The following MCC variants were observed in gnomAD, a reference collection of about 807,000 sequenced individuals.
MCC encodes the protein colorectal mutant cancer protein.
MCC carries 90 observed loss-of-function variants against 116.2 expected under a neutral mutation model. The observed-to-expected ratio is 0.77, with a 90% CI of 0.65 to 0.92. The LOEUF (loss-of-function observed/expected upper bound fraction) is 0.92, where lower values mean the gene tolerates loss of function less well. MCC is among the 40% of genes least tolerant of loss of function. The pLI is 0.00. For synonymous variants in MCC, 578 were observed against 510.5 expected, an observed-to-expected ratio of 1.13 and a Z score of -1.78; for missense variants, 1,516 against 1,312.2, an observed-to-expected ratio of 1.16 and a Z score of -2.40.
chr5:113,026,133 G>A lies in MCC; in HGVS notation c.*1169C>T, dbSNP rs1750533264. ...ACTTTGGTACTGCCTAGCCCTGTAAGCATTTTGCTTGAAATTTAACCTTTT... is the reference window on the plus strand; with the variant it reads ...ACTTTGGTACTGCCTAGCCCTGTAAACATTTTGCTTGAAATTTAACCTTTT... On this transcript the variant is annotated 3_prime_UTR_variant, in exon 19 of 19. Coordinates refer to ENST00000408903, the MANE Select transcript of MCC (RefSeq NM_001085377.2). 6.6e-6 allele frequency: 1 copy of A among 152,182 alleles called. No homozygotes were observed. The highest frequency in any genetic ancestry group is 2.4e-5 in the African/African-American group (1 of 41,454). The allele number at this position is 152,182 out of a possible 1,614,324, so 9.4% of individuals were successfully genotyped here. A position where few individuals can be genotyped will look rare whatever the true frequency, so the allele number is the denominator to read the frequency against.
chr5:113,179,238 C>T (rs561376823), intron 3 of MCC, among the ~76,000 whole-genome samples: 2 of 152,178 alleles, frequency 1.3e-5, no homozygotes, highest in African/African-American at 4.8e-5. Flanking sequence ...CCACAGAACA[C>T]CCTCCCCCAG....
chr5:113,416,846 G>A (rs948001012), intron 1 of MCC, among the ~76,000 whole-genome samples: 8 of 151,408 alleles, frequency 5.3e-5, no homozygotes, highest in African/African-American at 1.2e-4. Flanking sequence ...AAAATAAATC[G>A]TCAAATATAA....
At chr5:113,476,355 C>T (rs1478007035) in intron 1 of MCC, among the ~76,000 whole-genome samples, 1 of 152,104 alleles carries the variant, frequency 6.6e-6, no homozygotes, top group African/African-American at 2.4e-5. Flanking sequence ...GCACACAGAG[C>T]AATGGAAAGG....
At chr5:113,248,832 C>CTTTTTTTT (rs1269527611) in intron 3 of MCC, among the ~76,000 whole-genome samples, 3 of 138,200 alleles carry the variant, frequency 2.2e-5, no homozygotes, top group African/African-American at 2.7e-5. Context: ...TCTCTCTCTT[C>CTTTTTTTT]TTTTTTTTTT....
At chr5:113,453,218 G>C (rs551438095) in intron 1 of MCC, among the ~76,000 whole-genome samples, 2 of 151,984 alleles carry the variant, frequency 1.3e-5, no homozygotes, top group South Asian at 4.2e-4. Context: ...GATTCTTTTA[G>C]GTCTGAAACT....
chr5:113,393,403 A>G (rs192402892), intron 1 of MCC, among the ~76,000 whole-genome samples: 9 of 152,352 alleles, frequency 5.9e-5, no homozygotes, highest in East Asian at 5.8e-4. Context: ...ATTCATATCA[A>G]TAAGTGTTTA....
intron 8 of MCC, among the ~76,000 whole-genome samples, chr5:113,098,347 T>C (rs1396741002): frequency 3.3e-5 from 5 of 152,254 alleles, no homozygotes; most frequent in Non-Finnish European, 5.9e-5. Flanking sequence ...ATCTGTTTAC[T>C]TGCCTGTCTC....
rs1193748734 is a variant in MCC, at chr5:113,022,282, T to C, written c.*5020A>G. On this transcript the variant is annotated 3_prime_UTR_variant, in exon 19 of 19. Transcript: ENST00000408903. Reference sequence around the variant, plus strand: ...ACATTTAAAGAATACAAGTGGAGAATCTAAAAAATTACAAGGTATAGTACA... The same window carrying C: ...ACATTTAAAGAATACAAGTGGAGAACCTAAAAAATTACAAGGTATAGTACA... 6.6e-6 allele frequency: 1 copy of C among 152,606 alleles called. No homozygotes were observed. Among genetic ancestry groups the C allele is most frequent in the Non-Finnish European group, 1.5e-5 (1 of 68,026 alleles). 9.5% of individuals were successfully genotyped at this position (152,606 alleles called of 1,614,324 possible). A position where few individuals can be genotyped will look rare whatever the true frequency, so the allele number is the denominator to read the frequency against.
At chr5:113,037,168 C>T (rs999702581) in intron 17 of MCC, among the ~76,000 whole-genome samples, 2 of 152,200 alleles carry the variant, frequency 1.3e-5, no homozygotes, top group African/African-American at 4.8e-5. Context: ...TTTTATCCCA[C>T]TCTTTGTGTG....
At chr5:113,240,220 G>C (rs1297139694) in intron 3 of MCC, among the ~76,000 whole-genome samples, 2 of 152,132 alleles carry the variant, frequency 1.3e-5, no homozygotes, top group African/African-American at 2.4e-5. Flanking sequence ...AGTTGGCCCG[G>C]TGTTGAAAAC....
chr5:113,376,829 G>A (rs148498176), intron 2 of MCC, among the ~76,000 whole-genome samples: 253 of 152,180 alleles, frequency 1.7e-3, no homozygotes, highest in African/African-American at 5.5e-3. Context: ...AATTTCTCAA[G>A]CTGAGCATGT....
chr5:113,029,885 C>T (rs946701328), intron 17 of MCC, among the ~76,000 whole-genome samples: 3 of 152,230 alleles, frequency 2.0e-5, no homozygotes, highest in Non-Finnish European at 4.4e-5. Context: ...GTGCTGGAGC[C>T]ATGACGCTCC....
intron 14 of MCC, among the ~76,000 whole-genome samples, chr5:113,054,275 T>C (rs543403005): frequency 6.6e-6 from 1 of 152,358 alleles, no homozygotes; most frequent in East Asian, 1.9e-4. Flanking sequence ...TTTAGTGATT[T>C]ATCACACCTA....
At chr5:113,246,538 A>G (rs1764583307) in intron 3 of MCC, among the ~76,000 whole-genome samples, 1 of 152,210 alleles carries the variant, frequency 6.6e-6, no homozygotes. Context: ...CCAAGTGACT[A>G]CTTTGGTGAA....
At chr5:113,127,529 T>C (rs1758133787) in intron 5 of MCC, among the ~76,000 whole-genome samples, 1 of 152,238 alleles carries the variant, frequency 6.6e-6, no homozygotes, top group Non-Finnish European at 1.5e-5. Flanking sequence ...TTTTGACTTT[T>C]TAATAGTAGC....
At position 113,400,113 on chromosome 5, in the gene MCC, C is replaced by CTTTTTTTTTTTTTTTTTTTT. The variant is rs747991299; in HGVS notation, c.171-14921_171-14902dup. 3 of 71,434 alleles carry CTTTTTTTTTTTTTTTTTTTT rather than the reference C, an allele frequency of 4.2e-5. 1 individual carries two copies. The highest frequency in any genetic ancestry group is 7.3e-5 in the African/African-American group (1 of 13,712). The allele number at this position is 71,434 out of a possible 1,614,324, so 4.4% of individuals were successfully genotyped here. The stretch of plus-strand genomic sequence containing the variant: ...ATTGTTTTGGCCCTCTCCTTTTTTA[C>CTTTTTTTTTTTTTTTTTTTT]TTTTTTTTTTTTTTTTTTTTTTTTT... On this transcript the variant is annotated intron_variant, in intron 1 of 18. Coordinates refer to ENST00000408903, the MANE Select transcript of MCC (RefSeq NM_001085377.2).
At chr5:113,415,350 C>T (rs896433805) in intron 1 of MCC, among the ~76,000 whole-genome samples, 20 of 152,292 alleles carry the variant, frequency 1.3e-4, no homozygotes, top group African/African-American at 4.8e-4. Flanking sequence ...TGGATAATAT[C>T]CTGAAGAATG....
intron 1 of MCC, among the ~76,000 whole-genome samples, chr5:113,487,587 G>A (rs1182540872): frequency 6.6e-6 from 1 of 152,254 alleles, no homozygotes; most frequent in Non-Finnish European, 1.5e-5. Context: ...CCACGCCGAA[G>A]CTCACCTGGT....
chr5:113,454,400 T>C (rs1771483677), intron 1 of MCC, among the ~76,000 whole-genome samples: 1 of 152,176 alleles, frequency 6.6e-6, no homozygotes, highest in Admixed American at 6.5e-5. Flanking sequence ...CCATGGTGCC[T>C]GGCCTGTGTT....
Sources: gnomAD v4.1 joint callset for allele counts (sites outside exome capture counted in the v4.1 genomes callset) on GRCh38, gnomAD v4.1.1 for gene constraint, MANE v1.5 for transcripts, NCBI Gene and HGNC (gene_info 2026-07-23, HGNC 2026-07-21) for gene names.